Variants in CTTNBP2 observed in about 807,000 individuals in gnomAD.
The protein encoded by CTTNBP2 is cortactin-binding protein 2.
In CTTNBP2, 108 loss-of-function variants were observed where a neutral mutation model predicts 156.9. The ratio of observed to expected loss-of-function variants is 0.69; its 90% CI spans 0.59 to 0.81. The LOEUF (loss-of-function observed/expected upper bound fraction) is 0.81. CTTNBP2 is among the 30% of genes least tolerant of loss of function. CTTNBP2 has a pLI of 0.00. For synonymous variants in CTTNBP2, 767 were observed against 751.8 expected (o/e 1.02, Z -0.33); for missense variants, 1,924 against 2,035.4 (o/e 0.95, Z 1.05).
At chr7:117,819,914 T>C (rs1339498983) in intron 2 of CTTNBP2, among the ~76,000 whole-genome samples, 1 of 152,232 alleles carries the variant, frequency 6.6e-6, no homozygotes. Flanking sequence ...GAAGGCATAC[T>C]TCAATAAACC....
At chr7:117,756,324 C>A (rs569170144) in intron 12 of CTTNBP2, among the ~76,000 whole-genome samples, 1 of 152,216 alleles carries the variant, frequency 6.6e-6, no homozygotes, top group East Asian at 1.9e-4. Flanking sequence ...TGGCATTTCA[C>A]AGGTCACAGG....
intron 2 of CTTNBP2, among the ~76,000 whole-genome samples, chr7:117,834,168 T>C (rs1801787674): frequency 6.6e-6 from 1 of 152,014 alleles, no homozygotes; most frequent in Non-Finnish European, 1.5e-5. Flanking sequence ...AATTCTCCTG[T>C]CTCAGTCTCC....
intron 7 of CTTNBP2, among the ~76,000 whole-genome samples, chr7:117,778,039 G>A (rs1562996992): frequency 1.3e-5 from 2 of 151,922 alleles, no homozygotes; most frequent in Admixed American, 1.3e-4. Context: ...TACTGTCCAG[G>A]GCATAACTGA....
intron 2 of CTTNBP2, among the ~76,000 whole-genome samples, chr7:117,837,890 C>T (rs1392649425): frequency 6.6e-6 from 1 of 152,184 alleles, no homozygotes; most frequent in Admixed American, 6.5e-5. Flanking sequence ...CCACCTGACA[C>T]TGTAACCTGC....
Position 117,792,371 on chromosome 7 carries a change from G to A in CTTNBP2, c.825C>T (p.Ser275=). ...TCCGTGGAAGAGAGAGGCTTGGTTT[G>A]CTGTCACTTCCCCTTTTCAGTTGCT... is the stretch of plus-strand genomic sequence containing the variant. ...MIEQLKRGSD[S]KPSLSLPRKT... Residue 275 remains serine (S), a synonymous_variant, in exon 4 of 23, where the codon AGC becomes AGT. Transcript: ENST00000160373. This position sits in a 1 kb window ranked among gnomAD's most constrained non-coding sequence, Gnocchi z 4.2. 1 of 1,614,124 alleles carries A rather than the reference G, an allele frequency of 6.2e-7. No homozygotes were observed.
chr7:117,746,985 A>G (rs1009953280), intron 12 of CTTNBP2, among the ~76,000 whole-genome samples: 6 of 152,182 alleles, frequency 3.9e-5, no homozygotes, highest in African/African-American at 1.4e-4. Flanking sequence ...TGAGAAAAAT[A>G]TGGAGAGGAA....
At chr7:117,711,882 T>A in intron 22 of CTTNBP2, 100 bp from the exon 23 acceptor site, 1 of 1,187,120 alleles carries the variant, frequency 8.4e-7, no homozygotes, top group Non-Finnish European at 1.2e-6. Flanking sequence ...AGTTTCTCTC[T>A]AAAACTATAG....
intron 6 of CTTNBP2, among the ~76,000 whole-genome samples, chr7:117,780,905 G>A (rs1329852064): frequency 6.6e-6 from 1 of 152,178 alleles, no homozygotes; most frequent in Non-Finnish European, 1.5e-5. Flanking sequence ...TTACTGGGAT[G>A]AACGGTTTAA....
intron 5 of CTTNBP2, 121 bp downstream of exon 5, chr7:117,784,130 A>G (rs1212443266): frequency 2.8e-6 from 2 of 707,734 alleles, no homozygotes; most frequent in Non-Finnish European, 4.5e-6. Context: ...AAAACTATCC[A>G]TTACCACCTG....
chr7:117,855,569 C>A (rs946240137), intron 2 of CTTNBP2, among the ~76,000 whole-genome samples: 2 of 152,120 alleles, frequency 1.3e-5, no homozygotes, highest in East Asian at 3.9e-4. Context: ...GGGTAGAGAC[C>A]AAGGATGCTG....
At chr7:117,866,266 C>A (rs1481762666) in intron 1 of CTTNBP2, among the ~76,000 whole-genome samples, 1 of 152,056 alleles carries the variant, frequency 6.6e-6, no homozygotes, top group African/African-American at 2.4e-5. Flanking sequence ...TCAATAGATA[C>A]AGCTAAATAT....
chr7:117,819,367 T>TCACACACACACA (rs71529472), intron 2 of CTTNBP2, among the ~76,000 whole-genome samples: 1 of 130,610 alleles, frequency 7.7e-6, no homozygotes, highest in Non-Finnish European at 1.7e-5. Context: ...TCTCTCTCTC[T>TCACACACACACA]CACACACACA....
intron 2 of CTTNBP2, among the ~76,000 whole-genome samples, chr7:117,813,337 T>C (rs186278557): frequency 2.6e-4 from 39 of 152,270 alleles, no homozygotes; most frequent in African/African-American, 9.1e-4. Context: ...TCAAAATTAT[T>C]AAGCATTTCA....
At chr7:117,772,343 T>C (rs544097781) in intron 8 of CTTNBP2, among the ~76,000 whole-genome samples, 20 of 152,290 alleles carry the variant, frequency 1.3e-4, no homozygotes, top group African/African-American at 4.6e-4. Context: ...TCTAGAGTTG[T>C]GTTGATCATT....
rs1487556592 is a variant in CTTNBP2, at chr7:117,718,072, G to A, written c.4692C>T (p.Asn1564=). Residue 1564 remains asparagine (N), a synonymous_variant, in exon 22 of 23, where the codon AAC becomes AAT. Transcript: ENST00000160373. ...TAATAGTTGCTGAAAGTACAGGGTT[G>A]TTTCCAGAACTATCAAACATCCTTA... is the stretch of plus-strand genomic sequence containing the variant. ...DDLRMFDSSG[N]NPVLSATINN... is the part of the protein sequence containing the mutation. 1 of 1,613,442 alleles carries A rather than the reference G, an allele frequency of 6.2e-7. No homozygotes were observed. Among genetic ancestry groups the A allele is most frequent in the Non-Finnish European group, 8.5e-7 (1 of 1,179,576 alleles).
intron 6 of CTTNBP2, among the ~76,000 whole-genome samples, chr7:117,781,074 G>A (rs923355781): frequency 1.4e-4 from 22 of 152,260 alleles, no homozygotes; most frequent in Non-Finnish European, 2.5e-4. Context: ...CAGAAAGGCT[G>A]AGAAAAGGGT....
chr7:117,748,376 A>G (rs1796449869), intron 12 of CTTNBP2, among the ~76,000 whole-genome samples: 1 of 152,146 alleles, frequency 6.6e-6, no homozygotes, highest in Admixed American at 6.5e-5. Context: ...TTTTTGGATT[A>G]GGACATTTTT....
chr7:117,728,262 T>C lies in CTTNBP2; in HGVS notation c.3882A>G (p.Lys1294=), dbSNP rs776633224. 3.1e-6 allele frequency: 5 copies of C among 1,611,214 alleles called. No individual in the cohort carries two copies. The South Asian group carries it at 5.5e-5, about 18-fold the overall frequency. Residue 1294 remains lysine, a synonymous_variant, in exon 17 of 23, where the codon AAA becomes AAG. Transcript: ENST00000160373. ...FLRRKVVNKF[K]GQAPSPCDPV... is the part of the protein sequence containing the mutation. ...GATCGCAGGGGGAGGGCGCCTGACC[T>C]TTGAACTAGAGAGACAGGGAGGTGG...
intron 1 of CTTNBP2, 102 bp downstream of exon 1, chr7:117,873,233 C>G (rs1210730331): frequency 1.1e-6 from 1 of 913,120 alleles, no homozygotes; most frequent in Non-Finnish European, 1.5e-6. Context: ...CCCGGGCTTA[C>G]GGAACGCCCC....
Sources: allele counts gnomAD v4.1 joint callset (sites outside exome capture counted in the v4.1 genomes callset), GRCh38; gene constraint gnomAD v4.1.1; non-coding constraint Gnocchi (gnomAD v3.1); transcripts MANE v1.5; gene names NCBI Gene and HGNC (gene_info 2026-07-23, HGNC 2026-07-21).